The following VSNL1 variants were observed in gnomAD, a reference collection of about 807,000 sequenced individuals.
VSNL1 encodes the protein visinin like 1, also known as visinin-like protein 1.
A neutral mutation model predicts 20.4 loss-of-function variants in VSNL1; 6 were observed. That is an observed-to-expected ratio of 0.29 (90% CI 0.16 to 0.58). The LOEUF is 0.58. VSNL1 is among the 20% of genes least tolerant of loss of function. The pLI is 0.90. For missense variants in VSNL1, 100 were observed against 234.5 expected (o/e 0.43, Z 3.75); for synonymous variants, 93 against 86.4 (o/e 1.08, Z -0.42).
At position 17,656,690 on chromosome 2, in the gene VSNL1, G is replaced by C. The variant is rs948582262; in HGVS notation, c.*1296G>C. Reference sequence around the variant, plus strand: ...AAGCAGGTTTGCATTTTCAGAACATGCCCCCCTAGAGAGTTGAGTTTTTTA... The same window carrying C: ...AAGCAGGTTTGCATTTTCAGAACATCCCCCCCTAGAGAGTTGAGTTTTTTA... On this transcript the variant is annotated 3_prime_UTR_variant, in exon 4 of 4. Coordinates refer to ENST00000295156, the MANE Select transcript of VSNL1 (RefSeq NM_003385.5). The C allele has an allele frequency of 1.3e-5, 2 of 152,126 alleles. No homozygotes were observed. The highest frequency in any genetic ancestry group is 4.8e-5 in the African/African-American group (2 of 41,418). The allele number at this position is 152,126 out of a possible 1,614,324, so 9.4% of individuals were successfully genotyped here.
At position 17,638,987 on chromosome 2, in the gene VSNL1, C is replaced by G. The variant is rs139300913; in HGVS notation, c.163-10423C>G. ...CATCCTTTTGTGTGGGTTTTATGTT[C>G]TTGCTCTTTGTGCCCATGAGTTCTG... On this transcript the variant is annotated intron_variant, in intron 2 of 3. Coordinates refer to ENST00000295156, the MANE Select transcript of VSNL1 (RefSeq NM_003385.5). Among the ~76,000 whole-genome samples, 174 of 152,290 alleles carry G rather than the reference C, an allele frequency of 1.1e-3. 1 individual carries two copies. The highest frequency in any genetic ancestry group is 4.1e-3 in the African/African-American group (170 of 41,552).
rs3064980 is a variant in VSNL1 at position 17,655,455 on chromosome 2, TCA to T, written c.*106_*107del. On this transcript the variant is annotated 3_prime_UTR_variant, in exon 4 of 4. Transcript: ENST00000295156. The surrounding 1 kb of genome is among the most constrained non-coding windows in gnomAD (Gnocchi z 5.2). ...AATGTTCCATTCAGTCTGCAGCTATTCACACACACACACACACACACACACAC... is the reference window on the plus strand; with the variant it reads ...AATGTTCCATTCAGTCTGCAGCTATTCACACACACACACACACACACACAC... The T allele has an allele frequency of 0.074, 39,414 of 533,922 alleles. 473 individuals are homozygous for T. The highest frequency in any genetic ancestry group is 0.099 in the African/African-American group (4,948 of 49,952). 33.1% of individuals were successfully genotyped at this position (533,922 alleles called of 1,614,324 possible). A position where few individuals can be genotyped will look rare whatever the true frequency, so the allele number is the denominator to read the frequency against.
Position 17,600,881 on chromosome 2 carries a change from A to T in VSNL1, c.162+8645A>T, listed in dbSNP as rs1664806760. Among the ~76,000 whole-genome samples, 3 of 152,230 alleles carry T rather than the reference A, an allele frequency of 2.0e-5. No homozygotes were observed. The South Asian group carries it at 6.2e-4, about 32-fold the overall frequency. On this transcript the variant is annotated intron_variant, in intron 2 of 3. Coordinates refer to ENST00000295156, the MANE Select transcript of VSNL1 (RefSeq NM_003385.5). ...GACAATAATAATCTAGAGTTCTGAG[A>T]AAACAAGGTCCCATGTGAGGCTCCA... is the stretch of plus-strand genomic sequence containing the variant.
At chr2:17,628,716 G>A (rs1419470310) in intron 2 of VSNL1, among the ~76,000 whole-genome samples, 1 of 152,220 alleles carries the variant, frequency 6.6e-6, no homozygotes, top group Non-Finnish European at 1.5e-5. Flanking sequence ...GTCTTACTCT[G>A]TACATGTAAG....
intron 2 of VSNL1, among the ~76,000 whole-genome samples, chr2:17,644,975 C>T (rs997620906): frequency 6.6e-6 from 1 of 152,212 alleles, no homozygotes; most frequent in African/African-American, 2.4e-5. Context: ...AAAACTGACC[C>T]AAGTGAGGGT....
intron 2 of VSNL1, among the ~76,000 whole-genome samples, chr2:17,637,785 C>T (rs1355806794): frequency 1.3e-5 from 2 of 152,228 alleles, no homozygotes; most frequent in Non-Finnish European, 2.9e-5. Flanking sequence ...GGCACTGTGT[C>T]TGGTTTATAC....
chr2:17,559,079 C>T (rs1409616473), intron 1 of VSNL1, among the ~76,000 whole-genome samples: 3 of 152,132 alleles, frequency 2.0e-5, no homozygotes, highest in African/African-American at 7.2e-5. Context: ...GCTTGCACCT[C>T]ATGATCTAGT....
Position 17,649,350 on chromosome 2 carries a change from A to C in VSNL1, c.163-60A>C, listed in dbSNP as rs1666073569. 6.5e-7 allele frequency: 1 copy of C among 1,538,956 alleles called. No individual in the cohort carries two copies. The highest frequency in any genetic ancestry group is 9.0e-7 in the Non-Finnish European group (1 of 1,113,082). The stretch of plus-strand genomic sequence containing the variant: ...CCTGTGATGCCGTCATTAGGAACCT[A>C]CCTCGTCGCCCCGATTCCATCCCCT... On this transcript the variant is annotated intron_variant, in intron 2 of 3. Coordinates refer to ENST00000295156, the MANE Select transcript of VSNL1 (RefSeq NM_003385.5). The surrounding 1 kb of genome is among the most constrained non-coding windows in gnomAD (Gnocchi z 6.4).
chr2:17,545,288 T>G (rs949759379), intron 1 of VSNL1, among the ~76,000 whole-genome samples: 2 of 152,118 alleles, frequency 1.3e-5, no homozygotes, highest in Non-Finnish European at 2.9e-5. Flanking sequence ...ATTTTATACT[T>G]GAATGACAGA....
chr2:17,650,981 A>G (rs572216224), intron 3 of VSNL1, among the ~76,000 whole-genome samples: 14 of 152,360 alleles, frequency 9.2e-5, no homozygotes, highest in Admixed American at 6.5e-4. Context: ...AAGATACAGC[A>G]CAATAATTCT....
intron 2 of VSNL1, among the ~76,000 whole-genome samples, chr2:17,606,885 G>C (rs753801567): frequency 6.6e-6 from 1 of 152,220 alleles, no homozygotes; most frequent in African/African-American, 2.4e-5. Flanking sequence ...GGGTGGGAAG[G>C]ATTCTGGAAA....
intron 2 of VSNL1, among the ~76,000 whole-genome samples, chr2:17,622,532 AAAAG>A (rs201871488): frequency 0.15 from 14,298 of 98,342 alleles, 1,216 homozygotes; most frequent in East Asian, 0.19. Context: ...AGAAAGAAAG[AAAAG>A]AAAGAAAGAA....
chr2:17,610,824 C>A (rs1665066994), intron 2 of VSNL1, among the ~76,000 whole-genome samples: 1 of 152,152 alleles, frequency 6.6e-6, no homozygotes, highest in African/African-American at 2.4e-5. Flanking sequence ...CAGGCAAGGG[C>A]CACAGTTCAA....
intron 1 of VSNL1, among the ~76,000 whole-genome samples, chr2:17,573,815 G>A (rs1664137408): frequency 6.6e-6 from 1 of 152,152 alleles, no homozygotes; most frequent in Non-Finnish European, 1.5e-5. Flanking sequence ...AACAAGATCT[G>A]CCACAGATAT....
intron 2 of VSNL1, among the ~76,000 whole-genome samples, chr2:17,643,172 T>A (rs1263751619): frequency 6.6e-6 from 1 of 152,214 alleles, no homozygotes; most frequent in African/African-American, 2.4e-5. Flanking sequence ...CTCTCCCTCC[T>A]GCCCTCACAA....
At chr2:17,621,791 C>T (rs189815682) in intron 2 of VSNL1, among the ~76,000 whole-genome samples, 8 of 152,226 alleles carry the variant, frequency 5.3e-5, no homozygotes, top group Admixed American at 3.9e-4. Flanking sequence ...CCACACTTGG[C>T]TAATTTTTTT....
intron 1 of VSNL1, among the ~76,000 whole-genome samples, chr2:17,572,951 C>A (rs1558286089): frequency 6.6e-6 from 1 of 152,204 alleles, no homozygotes. Context: ...TTTATTCATT[C>A]ATCATCCATT....
In VSNL1 at chr2:17,649,302, G is replaced by A. The variant is rs1044269355; in HGVS notation, c.163-108G>A. ...GGCCAAACTGCTCTCCAATGGGTGA[G>A]GCTCCGACAACGCCCAGGAGCACCT... On this transcript the variant is annotated intron_variant, in intron 2 of 3. Transcript: ENST00000295156. This position sits in a 1 kb window ranked among gnomAD's most constrained non-coding sequence, Gnocchi z 6.4. 51 of 1,099,676 alleles carry A rather than the reference G, an allele frequency of 4.6e-5. No individual in the cohort carries two copies. The African/African-American group carries it at 6.9e-4, about 15-fold the overall frequency. 68.1% of individuals were successfully genotyped at this position (1,099,676 alleles called of 1,614,324 possible).
chr2:17,607,554 C>T (rs1664975370), intron 2 of VSNL1, among the ~76,000 whole-genome samples: 1 of 152,154 alleles, frequency 6.6e-6, no homozygotes, highest in Non-Finnish European at 1.5e-5. Flanking sequence ...TTCTTAAGTT[C>T]CCTTCCAACA....
Sources: allele counts gnomAD v4.1 joint callset (sites outside exome capture counted in the v4.1 genomes callset), GRCh38; gene constraint gnomAD v4.1.1; non-coding constraint Gnocchi (gnomAD v3.1); transcripts MANE v1.5; gene names NCBI Gene and HGNC (gene_info 2026-07-23, HGNC 2026-07-21).